NRXN1: variants seen among roughly 807,000 people sequenced by gnomAD.
NRXN1 encodes the protein neurexin-1.
NRXN1 carries 39 observed loss-of-function variants against 150.9 expected under a neutral mutation model. The ratio of observed to expected loss-of-function variants is 0.26; its 90% CI spans 0.20 to 0.34. The LOEUF (loss-of-function observed/expected upper bound fraction) is 0.34, where lower values mean the gene tolerates loss of function less well. NRXN1 is among the 10% of genes least tolerant of loss of function. The probability of loss-of-function intolerance (pLI) is 1.00; values close to 1 mark genes in which losing one functional copy is unlikely to be tolerated. For missense variants in NRXN1, 1,815 were observed against 1,949.9 expected (o/e 0.93, Z 1.30); for synonymous variants, 924 against 757.0 (o/e 1.22, Z -3.62).
chr2:50,802,773 A>G (rs1413036778), intron 5 of NRXN1, among the ~76,000 whole-genome samples: 3 of 152,134 alleles, frequency 2.0e-5, no homozygotes, highest in Admixed American at 2.0e-4. Flanking sequence ...AAATTGGGAC[A>G]AAGAGATAGA....
chr2:50,521,969 C>T (rs1438230041), intron 12 of NRXN1, among the ~76,000 whole-genome samples: 3 of 151,848 alleles, frequency 2.0e-5, no homozygotes, highest in African/African-American at 7.3e-5. Context: ...GATTCTCTTT[C>T]TAGAAAAGTC....
intron 5 of NRXN1, among the ~76,000 whole-genome samples, chr2:50,893,814 CATT>C (rs1399494207): frequency 1.3e-5 from 2 of 152,112 alleles, no homozygotes; most frequent in African/African-American, 4.8e-5. Context: ...AAACTTGACT[CATT>C]GTTCAATTTC....
At chr2:50,076,808 T>TGCTTCTA (rs956710405) in intron 19 of NRXN1, among the ~76,000 whole-genome samples, 3 of 152,172 alleles carry the variant, frequency 2.0e-5, no homozygotes, top group African/African-American at 7.2e-5. Context: ...ATTATGAGAA[T>TGCTTCTA]GCTTCTAATC....
chr2:50,107,421 A>G (rs1033810528), intron 18 of NRXN1, among the ~76,000 whole-genome samples: 9 of 150,940 alleles, frequency 6.0e-5, no homozygotes, highest in Non-Finnish European at 1.2e-4. Flanking sequence ...TAAAGAGATT[A>G]TTAGGGGCTG....
intron 5 of NRXN1, among the ~76,000 whole-genome samples, chr2:50,798,025 T>G (rs1451936572): frequency 6.6e-6 from 1 of 152,182 alleles, no homozygotes; most frequent in South Asian, 2.1e-4. Flanking sequence ...AGAAATTGTA[T>G]GCTAAAAGTA....
At chr2:50,438,245 G>C (rs1325614672) in intron 17 of NRXN1, among the ~76,000 whole-genome samples, 1 of 152,174 alleles carries the variant, frequency 6.6e-6, no homozygotes, top group African/African-American at 2.4e-5. Flanking sequence ...GAGTGTACAA[G>C]AACCCTGAGT....
At chr2:50,350,587 G>T (rs1282419241) in intron 17 of NRXN1, among the ~76,000 whole-genome samples, 1 of 152,174 alleles carries the variant, frequency 6.6e-6, no homozygotes, top group African/African-American at 2.4e-5. Context: ...AACTGTATTT[G>T]TTATTCTCTT....
At chr2:50,539,936 G>GC (rs2093352462) in intron 9 of NRXN1, among the ~76,000 whole-genome samples, 1 of 152,104 alleles carries the variant, frequency 6.6e-6, no homozygotes, top group African/African-American at 2.4e-5. Flanking sequence ...CCAAAAGCCC[G>GC]CCCCAAGTGA....
chr2:50,012,394 G>C (rs1019954908), intron 21 of NRXN1, among the ~76,000 whole-genome samples: 28 of 152,156 alleles, frequency 1.8e-4, no homozygotes, highest in African/African-American at 6.7e-4. Context: ...CTTTGTTTAA[G>C]ACAAGTAAGT....
chr2:50,293,425 T>C (rs1489845297), intron 17 of NRXN1, among the ~76,000 whole-genome samples: 1 of 152,160 alleles, frequency 6.6e-6, no homozygotes, highest in Admixed American at 6.5e-5. Flanking sequence ...CTGTCCATGA[T>C]AGACTACACG....
chr2:50,746,192 A>T (rs1303182988), intron 5 of NRXN1, among the ~76,000 whole-genome samples: 2 of 152,086 alleles, frequency 1.3e-5, no homozygotes, highest in African/African-American at 4.8e-5. Context: ...CCTCAAGAAC[A>T]TTAAGGATTA....
chr2:50,664,715 T>G (rs1687781777), intron 5 of NRXN1, among the ~76,000 whole-genome samples: 1 of 151,386 alleles, frequency 6.6e-6, no homozygotes, highest in Admixed American at 6.6e-5. Flanking sequence ...CATACTTTGA[T>G]ATTCACTCTG....
At chr2:50,663,776 A>G (rs1172573112) in intron 5 of NRXN1, among the ~76,000 whole-genome samples, 2 of 152,058 alleles carry the variant, frequency 1.3e-5, no homozygotes, top group African/African-American at 4.8e-5. Flanking sequence ...GTGTCACAGT[A>G]TGCACTACAT....
intron 17 of NRXN1, among the ~76,000 whole-genome samples, chr2:50,394,692 T>C (rs1289678103): frequency 1.3e-5 from 2 of 152,016 alleles, no homozygotes; most frequent in Non-Finnish European, 2.9e-5. Context: ...CAGAGTTATC[T>C]TTTTTTAAAA....
intron 18 of NRXN1, among the ~76,000 whole-genome samples, chr2:50,225,992 A>C (rs2064338869): frequency 6.6e-6 from 1 of 152,014 alleles, no homozygotes; most frequent in African/African-American, 2.4e-5. Flanking sequence ...ACTTCATTAC[A>C]CAGACCAAAA....
intron 5 of NRXN1, among the ~76,000 whole-genome samples, chr2:50,911,935 T>C (rs781292940): frequency 1.3e-5 from 2 of 151,890 alleles, no homozygotes; most frequent in Non-Finnish European, 2.9e-5. Flanking sequence ...GGATGAAGGG[T>C]AGATCTAATA....
intron 8 of NRXN1, among the ~76,000 whole-genome samples, chr2:50,586,643 C>A (rs1009305637): frequency 6.6e-6 from 1 of 152,048 alleles, no homozygotes; most frequent in African/African-American, 2.4e-5. Flanking sequence ...GCTTCACAAG[C>A]ATACCCTTAT....
At chr2:50,608,582 C>T (rs2104036136) in intron 8 of NRXN1, among the ~76,000 whole-genome samples, 1 of 152,070 alleles carries the variant, frequency 6.6e-6, no homozygotes, top group East Asian at 1.9e-4. Flanking sequence ...GCTTTATATG[C>T]ACATATTGTT....
chr2:50,064,552 T>C (rs12997352), intron 19 of NRXN1, among the ~76,000 whole-genome samples: 113,115 of 151,822 alleles, frequency 0.75, 43,057 homozygotes, highest in African/African-American at 0.91. Flanking sequence ...GTCTTGGACT[T>C]GATGAACCTT....
Sources: gnomAD v4.1 joint callset for allele counts (sites outside exome capture counted in the v4.1 genomes callset) on GRCh38, gnomAD v4.1.1 for gene constraint, MANE v1.5 for transcripts, NCBI Gene and HGNC (gene_info 2026-07-23, HGNC 2026-07-21) for gene names.